Variants in TTLL7 observed in about 807,000 individuals in gnomAD.
TTLL7 encodes the protein tubulin polyglutamylase TTLL7.
TTLL7 carries 53 observed loss-of-function variants against 120.2 expected under a neutral mutation model. That is an observed-to-expected ratio of 0.44 (90% confidence interval 0.35 to 0.55). The LOEUF is 0.55. Ranked by LOEUF, TTLL7 falls within the 20% of genes least tolerant of loss-of-function variation. The pLI is 0.00. For synonymous variants in TTLL7, 353 were observed against 351.7 expected (o/e 1.00, Z -0.04); for missense variants, 803 against 1,054.7 (o/e 0.76, Z 3.31).
intron 8 of TTLL7, among the ~76,000 whole-genome samples, chr1:83,937,329 G>A (rs1159757048): frequency 2.6e-5 from 4 of 151,844 alleles, no homozygotes; most frequent in Admixed American, 1.3e-4. Flanking sequence ...TCAGCCCCGA[G>A]TAGCTGGGAT....
chr1:83,984,333 G>C (rs1311612954), intron 1 of TTLL7: 1 of 152,216 alleles, frequency 6.6e-6, no homozygotes, highest in Non-Finnish European at 1.5e-5. Context: ...ATGTGAATTA[G>C]TTCAGTCACT....
At chr1:83,901,594 G>A (rs1656729387) in intron 18 of TTLL7, among the ~76,000 whole-genome samples, 2 of 151,622 alleles carry the variant, frequency 1.3e-5, no homozygotes, top group Admixed American at 1.3e-4. Flanking sequence ...TCCATTAATC[G>A]AAGCCAAAGT....
At chr1:83,925,888 G>A (rs1034406686) in intron 10 of TTLL7, among the ~76,000 whole-genome samples, 34 of 152,112 alleles carry the variant, frequency 2.2e-4, no homozygotes, top group East Asian at 1.5e-3. Context: ...TTGGGAGGCC[G>A]AGGCGGTGGA....
Position 83,987,264 on chromosome 1 carries a change from CA to C in TTLL7, c.-177+11666del, listed in dbSNP as rs563672323. Among the ~76,000 whole-genome samples, 887 of 146,308 alleles carry C rather than the reference CA, an allele frequency of 6.1e-3. 8 individuals are homozygous for C. The highest frequency in any genetic ancestry group is 0.019 in the African/African-American group (767 of 39,912). ...TTACATGGAAAAAAAAAAGAAAAAACAAAAAAAAATTAAAAAAATATAAAAT... is the reference window on the plus strand; with the variant it reads ...TTACATGGAAAAAAAAAAGAAAAAACAAAAAAAATTAAAAAAATATAAAAT... On this transcript the variant is annotated intron_variant, in intron 1 of 20. Coordinates refer to ENST00000260505, the MANE Select transcript of TTLL7 (RefSeq NM_024686.6).
At chr1:83,874,311 C>A (rs530387039) in intron 20 of TTLL7, among the ~76,000 whole-genome samples, 16 of 152,168 alleles carry the variant, frequency 1.1e-4, no homozygotes, top group African/African-American at 3.9e-4. Flanking sequence ...GAATTTCAGT[C>A]CATACTGTGG....
At chr1:83,941,569 C>T (rs1037651113) in intron 7 of TTLL7, among the ~76,000 whole-genome samples, 2 of 151,844 alleles carry the variant, frequency 1.3e-5, no homozygotes, top group Non-Finnish European at 2.9e-5. Context: ...AAAAAATGAC[C>T]GCACTTAATG....
chr1:83,955,457 T>G (rs569000161), intron 1 of TTLL7, among the ~76,000 whole-genome samples: 40 of 152,234 alleles, frequency 2.6e-4, no homozygotes, highest in African/African-American at 8.9e-4. Flanking sequence ...TGGGAAGGAC[T>G]TTATAATCAA....
rs368210933 is a variant in TTLL7, at chr1:83,892,468, A to G, written c.2209-1987T>C. On this transcript the variant is annotated intron_variant, in intron 18 of 20. Coordinates refer to ENST00000260505, the MANE Select transcript of TTLL7 (RefSeq NM_024686.6). ...TATGAATGAACATATATGAACATAT[A>G]TATGAACATATGAATGAACATATAT... 7.8e-3 allele frequency among the ~76,000 whole-genome samples: 764 copies of G among 97,546 alleles called. 12 individuals carry two copies. Among genetic ancestry groups the G allele is most frequent in the Middle Eastern group, 0.02 (3 of 150 alleles). The allele number at this position is 97,546 out of a possible 152,430, so 64.0% of individuals were successfully genotyped here. A position where few individuals can be genotyped will look rare whatever the true frequency, so the allele number is the denominator to read the frequency against.
At chr1:83,907,378 T>G in intron 16 of TTLL7, 78 bp downstream of exon 16, 1 of 1,289,604 alleles carries the variant, frequency 7.8e-7, no homozygotes, top group African/African-American at 1.5e-5. Flanking sequence ...AGGTTCAGTC[T>G]GTCCTCCTCT....
chr1:83,908,082 T>G lies in TTLL7; in HGVS notation c.1787-421A>C, dbSNP rs558610822. Among the ~76,000 whole-genome samples, 6 of 152,232 alleles carry G rather than the reference T, an allele frequency of 3.9e-5. No homozygotes were observed. In the East Asian group the frequency reaches 1.2e-3, roughly 29 times the overall value. On this transcript the variant is annotated intron_variant, in intron 15 of 20. Coordinates refer to ENST00000260505, the MANE Select transcript of TTLL7 (RefSeq NM_024686.6). Reference sequence around the variant, plus strand: ...TTGCCCAGAGGCTTAGAGAAAGAACTTTTTCAAGGTCATACAGCAAGGAAG... The same window carrying G: ...TTGCCCAGAGGCTTAGAGAAAGAACGTTTTCAAGGTCATACAGCAAGGAAG...
At position 83,967,698 on chromosome 1, in the gene TTLL7, C is replaced by T. The variant is rs77239067; in HGVS notation, c.-176-15311G>A. Among the ~76,000 whole-genome samples, 928 of 152,032 alleles carry T rather than the reference C, an allele frequency of 6.1e-3. 6 individuals are homozygous for T. Among genetic ancestry groups the T allele is most frequent in the African/African-American group, 0.021 (878 of 41,470 alleles). On this transcript the variant is annotated intron_variant, in intron 1 of 20. Coordinates refer to ENST00000260505, the MANE Select transcript of TTLL7 (RefSeq NM_024686.6). The stretch of plus-strand genomic sequence containing the variant: ...TCTAAAATTCTAAAATTTTTGGCCC[C>T]GTAAAAATAGTATAATTTAGTTGTT...
intron 14 of TTLL7, among the ~76,000 whole-genome samples, chr1:83,917,099 C>T (rs972024409): frequency 1.2e-4 from 10 of 81,304 alleles, no homozygotes; most frequent in Admixed American, 8.3e-4. Context: ...ACCCTGTTAT[C>T]AAAAAAAAAA....
intron 1 of TTLL7, among the ~76,000 whole-genome samples, chr1:83,967,880 AAG>A (rs1650622603): frequency 6.6e-6 from 1 of 152,070 alleles, no homozygotes; most frequent in Non-Finnish European, 1.5e-5. Context: ...AGCAAAAAAA[AAG>A]AGTCAAGAAT....
At chr1:83,906,549 G>A (rs771599088) in intron 16 of TTLL7, 86 bp from the exon 17 acceptor site, 5 of 1,580,162 alleles carry the variant, frequency 3.2e-6, no homozygotes, top group Non-Finnish European at 4.3e-6. Flanking sequence ...AGGTAAAAAT[G>A]ATGCACTTTT....
rs1178430922 is a variant in TTLL7 at position 83,952,215 on chromosome 1, T to C, written c.-4A>G. On this transcript the variant is annotated 5_prime_UTR_variant, in exon 2 of 21. Coordinates refer to ENST00000260505, the MANE Select transcript of TTLL7 (RefSeq NM_024686.6). ...CTTCTTGAGGCAGAGATGGCATTATTGCCTGTGCTGATTAGCAAGCAGTGT... is the reference window on the plus strand; with the variant it reads ...CTTCTTGAGGCAGAGATGGCATTATCGCCTGTGCTGATTAGCAAGCAGTGT... 2 of 1,613,912 alleles carry C rather than the reference T, an allele frequency of 1.2e-6. No individual in the cohort carries two copies. The highest frequency in any genetic ancestry group is 2.7e-5 in the African/African-American group (2 of 74,938).
At chr1:83,929,644 T>C (rs1054204456) in intron 9 of TTLL7, among the ~76,000 whole-genome samples, 10 of 152,312 alleles carry the variant, frequency 6.6e-5, no homozygotes, top group Non-Finnish European at 1.5e-4. Flanking sequence ...AATAATTATA[T>C]ACATCTATAT....
At chr1:83,889,060 G>A (rs886730519) in intron 19 of TTLL7, among the ~76,000 whole-genome samples, 1 of 152,018 alleles carries the variant, frequency 6.6e-6, no homozygotes, top group Non-Finnish European at 1.5e-5. Context: ...ACCCAAGACT[G>A]GGTAATTTAC....
chr1:83,996,147 C>T (rs754359479), intron 1 of TTLL7, among the ~76,000 whole-genome samples: 3 of 152,026 alleles, frequency 2.0e-5, no homozygotes, highest in Non-Finnish European at 2.9e-5. Context: ...TTTTTATATT[C>T]TTAAACTTTC....
chr1:83,911,939 T>A (rs1657713165), intron 14 of TTLL7, among the ~76,000 whole-genome samples: 1 of 152,122 alleles, frequency 6.6e-6, no homozygotes, highest in African/African-American at 2.4e-5. Flanking sequence ...GCCTATCCAT[T>A]CAGACAATGT....
Sources: allele counts gnomAD v4.1 joint callset (sites outside exome capture counted in the v4.1 genomes callset), GRCh38; gene constraint gnomAD v4.1.1; transcripts MANE v1.5; gene names NCBI Gene and HGNC (gene_info 2026-07-23, HGNC 2026-07-21).